LPGAT1: variants seen among roughly 807,000 people sequenced by gnomAD.
LPGAT1 encodes lysophosphatidylglycerol acyltransferase 1.
Under a neutral mutation model 47.5 loss-of-function variants are expected in LPGAT1, and 11 were observed. That is an observed-to-expected ratio of 0.23 (90% CI 0.15 to 0.38). The LOEUF (loss-of-function observed/expected upper bound fraction) is 0.38. Ranked by LOEUF, LPGAT1 falls within the 10% of genes least tolerant of loss-of-function variation. The pLI is 1.00. For synonymous variants in LPGAT1, 138 were observed against 144.2 expected (o/e 0.96, Z 0.31); for missense variants, 293 against 439.0 (o/e 0.67, Z 2.97).
intron 2 of LPGAT1, among the ~76,000 whole-genome samples, chr1:211,826,666 G>GATATAT (rs10565966): frequency 3.8e-4 from 56 of 148,810 alleles, no homozygotes; most frequent in African/African-American, 1.4e-3. Flanking sequence ...TTTGGAAAAA[G>GATATAT]ATATATATAT....
chr1:211,808,926 G>A (rs943910490), intron 2 of LPGAT1, among the ~76,000 whole-genome samples: 25 of 152,016 alleles, frequency 1.6e-4, no homozygotes, highest in African/African-American at 5.6e-4. Flanking sequence ...GGCCAGGCAC[G>A]GTGGCTCACG....
At chr1:211,767,060 T>C (rs1657949864) in intron 6 of LPGAT1, among the ~76,000 whole-genome samples, 1 of 152,212 alleles carries the variant, frequency 6.6e-6, no homozygotes. Context: ...ACACAGAATT[T>C]GATTCACAAT....
chr1:211,779,056 GA>G lies in LPGAT1; in HGVS notation c.728-13del, dbSNP rs747324928. 2.6e-6 allele frequency: 4 copies of G among 1,555,900 alleles called. No homozygotes were observed. The highest frequency in any genetic ancestry group is 2.3e-5 in the East Asian group (1 of 43,540). On this transcript the variant is annotated splice_polypyrimidine_tract_variant and intron_variant, in intron 5 of 7. Coordinates refer to ENST00000366997, the MANE Select transcript of LPGAT1 (RefSeq NM_014873.3). ...TTTTGATTTGCTGTCTGAGAACAAA[GA>G]AAAAAAGACTTAAAATTAAATCAAC...
intron 3 of LPGAT1, among the ~76,000 whole-genome samples, chr1:211,792,803 C>T (rs1659183561): frequency 1.4e-5 from 2 of 148,118 alleles, no homozygotes; most frequent in African/African-American, 5.0e-5. Context: ...TTTCTGCCTC[C>T]CGGGTTCAAG....
Position 211,749,849 on chromosome 1 carries a change from G to A in LPGAT1, c.*50C>T. The A allele has an allele frequency of 6.3e-7, 1 of 1,577,034 alleles. No individual in the cohort carries two copies. Among genetic ancestry groups the A allele is most frequent in the Non-Finnish European group, 8.6e-7 (1 of 1,157,818 alleles). ...CACATGTAAAATAATGCACACTTAT[G>A]AAAGAAAGTCTGAACTCCTACGGTG... On this transcript the variant is annotated 3_prime_UTR_variant, in exon 8 of 8. Transcript: ENST00000366997.
At chr1:211,757,813 G>A (rs1047247331) in intron 6 of LPGAT1, among the ~76,000 whole-genome samples, 1 of 152,098 alleles carries the variant, frequency 6.6e-6, no homozygotes, top group African/African-American at 2.4e-5. Context: ...TCCATCTTTT[G>A]AATTGTAAGA....
At chr1:211,826,668 TA>T in intron 2 of LPGAT1, among the ~76,000 whole-genome samples, 1 of 2,478 alleles carries the variant, frequency 4.0e-4, no homozygotes, top group East Asian at 0.5. Flanking sequence ...TGGAAAAAGA[TA>T]TATATATATA....
intron 2 of LPGAT1, among the ~76,000 whole-genome samples, chr1:211,797,433 C>T (rs1022827522): frequency 3.3e-5 from 5 of 150,664 alleles, no homozygotes; most frequent in Non-Finnish European, 7.4e-5. Context: ...CAACTTTTTG[C>T]CAAGAAATTA....
In LPGAT1 at chr1:211,829,322, T is replaced by C; in HGVS notation, c.-26A>G. ...TCTCACACTGGACTCCGTCCTGTCT[T>C]TCTGGGGTGAAAGAAAAATTCACTT... On this transcript the variant is annotated splice_region_variant and 5_prime_UTR_variant, in exon 2 of 8. Transcript: ENST00000366997. 1 of 1,609,870 alleles carries C rather than the reference T, an allele frequency of 6.2e-7. No homozygotes were observed. Among genetic ancestry groups the C allele is most frequent in the Non-Finnish European group, 8.5e-7 (1 of 1,177,606 alleles).
rs1360931038 is a variant in LPGAT1 at position 211,746,004 on chromosome 1, C to T, written c.*3895G>A. 1.3e-5 allele frequency: 2 copies of T among 152,548 alleles called. No homozygotes were observed. Among genetic ancestry groups the T allele is most frequent in the Non-Finnish European group, 2.9e-5 (2 of 68,018 alleles). The allele number at this position is 152,548 out of a possible 1,614,324, so 9.4% of individuals were successfully genotyped here. A position where few individuals can be genotyped will look rare whatever the true frequency, so the allele number is the denominator to read the frequency against. The stretch of plus-strand genomic sequence containing the variant: ...CTGTGTAATGACTTCAAAAAAAGAA[C>T]AAAGAAAACAATTAACTCTTCCTAC... On this transcript the variant is annotated 3_prime_UTR_variant, in exon 8 of 8. Transcript: ENST00000366997.
At position 211,786,755 on chromosome 1, in the gene LPGAT1, TTAC is replaced by T. The variant is rs572366860; in HGVS notation, c.453+874_453+876del. Among the ~76,000 whole-genome samples the T allele has an allele frequency of 8.4e-4, 128 of 152,310 alleles. 1 individual carries two copies. The highest frequency in any genetic ancestry group is 3.0e-3 in the African/African-American group (123 of 41,580). The stretch of plus-strand genomic sequence containing the variant: ...CCCAAAACATCTCCCATTATTATTA[TTAC>T]ATTAACTTATTTATTAATTTATTTA... On this transcript the variant is annotated intron_variant, in intron 4 of 7. Transcript: ENST00000366997.
At chr1:211,786,320 T>C (rs1190803135) in intron 4 of LPGAT1, among the ~76,000 whole-genome samples, 2 of 152,262 alleles carry the variant, frequency 1.3e-5, no homozygotes, top group Non-Finnish European at 2.9e-5. Context: ...CAATTCCAGC[T>C]TATTTCTGAA....
At chr1:211,814,539 T>G (rs1323230385) in intron 2 of LPGAT1, among the ~76,000 whole-genome samples, 1 of 152,206 alleles carries the variant, frequency 6.6e-6, no homozygotes, top group East Asian at 1.9e-4. Flanking sequence ...GTGCTTTCCA[T>G]GTATGGAGTG....
At chr1:211,759,067 A>C (rs757392150) in intron 6 of LPGAT1, among the ~76,000 whole-genome samples, 1 of 152,312 alleles carries the variant, frequency 6.6e-6, no homozygotes, top group Middle Eastern at 3.4e-3. Context: ...ATAACATTAC[A>C]TATTTTAATA....
chr1:211,791,760 A>AC (rs1659122574), intron 3 of LPGAT1, among the ~76,000 whole-genome samples: 1 of 141,056 alleles, frequency 7.1e-6, no homozygotes, highest in Non-Finnish European at 1.6e-5. Flanking sequence ...AAAAAAAAAA[A>AC]AAAAACAAAC....
intron 1 of LPGAT1, chr1:211,829,768 C>A: frequency 1.0e-6 from 1 of 995,158 alleles, no homozygotes; most frequent in Non-Finnish European, 1.2e-6. Flanking sequence ...CTCCTCACCA[C>A]CACGATTCCT....
intron 6 of LPGAT1, among the ~76,000 whole-genome samples, chr1:211,768,701 G>A (rs1658041758): frequency 6.6e-6 from 1 of 152,172 alleles, no homozygotes; most frequent in South Asian, 2.1e-4. Flanking sequence ...TATGAAATGA[G>A]CTTTGAATAC....
rs200064742 is a variant in LPGAT1 at position 211,787,674 on chromosome 1, A to G, written c.411T>C (p.Phe137=). 1.5e-4 allele frequency: 237 copies of G among 1,610,160 alleles called. 2 individuals carry two copies. In the East Asian group the frequency reaches 2.9e-3, roughly 20 times the overall value. The change falls in exon 4 of 8, where the codon TTT becomes TTC. Residue 137 remains phenylalanine (F), a synonymous_variant. Coordinates refer to ENST00000366997, the MANE Select transcript of LPGAT1 (RefSeq NM_014873.3). Reference sequence around the variant, plus strand: ...CTCCATGAACTAGAGAAACAATTCCAAAGTTTGTGTACTTAAAAATATGAT... The same window carrying G: ...CTCCATGAACTAGAGAAACAATTCCGAAGTTTGTGTACTTAAAAATATGAT... ...LMDHIFKYTN[F]GIVSLVHGDF...
chr1:211,758,608 C>CAGGAGAATG (rs1657562354), intron 6 of LPGAT1, among the ~76,000 whole-genome samples: 1 of 152,026 alleles, frequency 6.6e-6, no homozygotes, highest in Non-Finnish European at 1.5e-5. Context: ...GAGGCTGAGG[C>CAGGAGAATG]AGGAGAATGG....
Sources: allele counts gnomAD v4.1 joint callset (sites outside exome capture counted in the v4.1 genomes callset), GRCh38; gene constraint gnomAD v4.1.1; transcripts MANE v1.5; gene names NCBI Gene and HGNC (gene_info 2026-07-23, HGNC 2026-07-21).